PARL: variants seen among roughly 807,000 people sequenced by gnomAD.
PARL encodes the protein presenilin associated rhomboid like.
PARL carries 44 observed loss-of-function variants against 51.6 expected under a neutral mutation model. The ratio of observed to expected loss-of-function variants is 0.85; its 90% confidence interval spans 0.67 to 1.10. PARL has a LOEUF of 1.10. Ranked by LOEUF, PARL falls within the 50% of genes least tolerant of loss-of-function variation. PARL has a pLI of 0.00. For missense variants in PARL, 441 were observed against 469.5 expected (o/e 0.94, Z 0.56); for synonymous variants, 172 against 164.0 (o/e 1.05, Z -0.37).
intron 7 of PARL, among the ~76,000 whole-genome samples, chr3:183,837,512 A>G (rs1017699196): frequency 6.6e-6 from 1 of 152,198 alleles, no homozygotes; most frequent in African/African-American, 2.4e-5. Context: ...TCCTAGCCAC[A>G]GCGACATTAG....
intron 2 of PARL, 45 bp downstream of exon 2, chr3:183,867,820 G>T: frequency 1.4e-6 from 2 of 1,395,036 alleles, no homozygotes; most frequent in Non-Finnish European, 2.0e-6. Flanking sequence ...CTTTAACACT[G>T]CATTTCTAGC....
chr3:183,868,205 C>T, intron 1 of PARL, 145 bp from the exon 2 acceptor site: 1 of 676,632 alleles, frequency 1.5e-6, no homozygotes, highest in Non-Finnish European at 2.6e-6. Context: ...TACTCTCAGA[C>T]AGAATTCAAA....
intron 1 of PARL, among the ~76,000 whole-genome samples, chr3:183,874,963 T>C (rs888121943): frequency 1.3e-5 from 2 of 152,164 alleles, no homozygotes; most frequent in African/African-American, 4.8e-5. Flanking sequence ...TACTAGCTAC[T>C]TGGGAGGCTG....
At chr3:183,853,210 G>A (rs1730743611) in intron 4 of PARL, among the ~76,000 whole-genome samples, 1 of 152,188 alleles carries the variant, frequency 6.6e-6, no homozygotes, top group African/African-American at 2.4e-5. Flanking sequence ...ATCACAGAAT[G>A]GAAGTATTTG....
chr3:183,841,645 C>G (rs1367661935), intron 6 of PARL, among the ~76,000 whole-genome samples: 1 of 152,158 alleles, frequency 6.6e-6, no homozygotes. Flanking sequence ...TAAGTAAGTA[C>G]ATTTTACAAA....
chr3:183,882,433 AG>A (rs1219697081), intron 1 of PARL, among the ~76,000 whole-genome samples: 12 of 149,696 alleles, frequency 8.0e-5, no homozygotes, highest in Admixed American at 4.0e-4. Flanking sequence ...AGAGAGAGAG[AG>A]AAAGAGAGAG....
intron 1 of PARL, among the ~76,000 whole-genome samples, chr3:183,877,574 T>C (rs1157614456): frequency 2.6e-5 from 4 of 152,092 alleles, no homozygotes; most frequent in African/African-American, 7.2e-5. Context: ...GAACTTCATG[T>C]TGTCTTATTT....
At position 183,842,312 on chromosome 3, in the gene PARL, A is replaced by G. The variant is rs927315431; in HGVS notation, c.743T>C (p.Val248Ala). 19 of 1,612,530 alleles carry G rather than the reference A, an allele frequency of 1.2e-5. No individual in the cohort carries two copies. In the African/African-American group the frequency reaches 2.1e-4, roughly 18 times the overall value. Residue 248 changes from valine (V) to alanine (A), a missense_variant, in exon 6 of 10, where the codon GTG becomes GCG. By Grantham distance (64) the Val-to-Ala change is moderately conservative. Coordinates refer to ENST00000317096, the MANE Select transcript of PARL (RefSeq NM_018622.7). Reference sequence around the variant, plus strand: ...AAGCATATTACCTGCAGATAGGTACACTGCCATGAACTGCTCTTGACCCAG... The same window carrying G: ...AAGCATATTACCTGCAGATAGGTACGCTGCCATGAACTGCTCTTGACCCAG... ...NILGQEQFMA[V>A]YLSAGVISNF...
chr3:183,827,409 T>C (rs999132146), downstream of PARL, among the ~76,000 whole-genome samples: 1 of 139,940 alleles, frequency 7.1e-6, no homozygotes, highest in African/African-American at 2.6e-5. Flanking sequence ...ACCACTGAAC[T>C]CCAGCCTGGA....
intron 4 of PARL, among the ~76,000 whole-genome samples, chr3:183,846,871 G>A (rs1395071913): frequency 6.6e-6 from 1 of 152,236 alleles, no homozygotes; most frequent in African/African-American, 2.4e-5. Flanking sequence ...AGTTATAGAT[G>A]AGAAAAACAG....
At chr3:183,871,143 TGTGA>T (rs1272234138) in intron 1 of PARL, among the ~76,000 whole-genome samples, 1 of 152,178 alleles carries the variant, frequency 6.6e-6, no homozygotes, top group East Asian at 1.9e-4. Context: ...TAAGCTTTAT[TGTGA>T]GTAACTCAAA....
At chr3:183,881,223 G>C (rs976707090) in intron 1 of PARL, among the ~76,000 whole-genome samples, 6 of 151,920 alleles carry the variant, frequency 3.9e-5, no homozygotes, top group Non-Finnish European at 8.8e-5. Flanking sequence ...CTGGGTTCAA[G>C]GGATTCTCCT....
intron 5 of PARL, 94 bp from the exon 6 acceptor site, chr3:183,842,541 G>A (rs1729449616): frequency 8.5e-7 from 1 of 1,176,060 alleles, no homozygotes. Context: ...CGGACGCAGT[G>A]GCTCACGCCT....
At chr3:183,829,857 T>G in intron 9 of PARL, 148 bp from the exon 10 acceptor site, 2 of 735,748 alleles carry the variant, frequency 2.7e-6, no homozygotes, top group Non-Finnish European at 4.9e-6. Flanking sequence ...GAGAAATGGT[T>G]TAGCTTTCAT....
chr3:183,877,544 G>A (rs145910103), intron 1 of PARL, among the ~76,000 whole-genome samples: 62 of 152,216 alleles, frequency 4.1e-4, no homozygotes, highest in Non-Finnish European at 6.8e-4. Context: ...TTTGTGAAAG[G>A]AGGAGTCAAT....
At chr3:183,867,533 T>C (rs902812894) in intron 2 of PARL, among the ~76,000 whole-genome samples, 1 of 152,030 alleles carries the variant, frequency 6.6e-6, no homozygotes, top group African/African-American at 2.4e-5. Flanking sequence ...ACCCCGTCTC[T>C]ACTAAAAATA....
intron 1 of PARL, among the ~76,000 whole-genome samples, chr3:183,873,773 T>C (rs1433261070): frequency 6.6e-6 from 1 of 152,132 alleles, no homozygotes; most frequent in Non-Finnish European, 1.5e-5. Flanking sequence ...AAAAGGAACA[T>C]AAACACGCTA....
downstream of PARL, among the ~76,000 whole-genome samples, chr3:183,827,155 T>C (rs1203609953): frequency 3.3e-5 from 5 of 152,102 alleles, no homozygotes; most frequent in East Asian, 9.7e-4. Context: ...CTAAGGAATT[T>C]TAGCTTTTCA....
At chr3:183,868,892 TG>T (rs1219438026) in intron 1 of PARL, among the ~76,000 whole-genome samples, 1 of 152,210 alleles carries the variant, frequency 6.6e-6, no homozygotes, top group African/African-American at 2.4e-5. Flanking sequence ...TTCACTGTTT[TG>T]GGGACATCCA....
Sources: gnomAD v4.1 joint callset for allele counts (sites outside exome capture counted in the v4.1 genomes callset) on GRCh38, gnomAD v4.1.1 for gene constraint, MANE v1.5 for transcripts, NCBI Gene and HGNC (gene_info 2026-07-23, HGNC 2026-07-21) for gene names.